Variants in HHLA1 observed in about 807,000 individuals in gnomAD.
HHLA1 encodes HERV-H LTR-associating protein 1.
In HHLA1, 72 loss-of-function variants were observed where a neutral mutation model predicts 69.9. The ratio of observed to expected loss-of-function variants is 1.03; its 90% CI spans 0.85 to 1.25. The LOEUF (loss-of-function observed/expected upper bound fraction) is 1.25. Among genes scored for constraint, HHLA1 ranks in the 50% most tolerant of loss-of-function variants. The pLI, the probability that HHLA1 is intolerant of heterozygous loss-of-function variation, is 0.00. For missense variants in HHLA1, 685 were observed against 642.2 expected (o/e 1.07, Z -0.72); for synonymous variants, 252 against 233.2 (o/e 1.08, Z -0.73).
Position 132,085,231 on chromosome 8 carries a change from C to A in HHLA1, c.676+2422G>T, listed in dbSNP as rs541134784. 7.0e-4 allele frequency among the ~76,000 whole-genome samples: 106 copies of A among 152,272 alleles called. 1 individual carries two copies. The highest frequency in any genetic ancestry group is 2.7e-3 in the East Asian group (14 of 5,178). On this transcript the variant is annotated intron_variant, in intron 10 of 16. Transcript: ENST00000414222. Reference sequence around the variant, plus strand: ...GGCTGCCTTCCCAGTCCGTGACCGGCGCTGGAGTTTTGGGTTCACGGATAA... The same window carrying A: ...GGCTGCCTTCCCAGTCCGTGACCGGAGCTGGAGTTTTGGGTTCACGGATAA...
Position 132,063,991 on chromosome 8 carries a change from G to A in HHLA1, c.*4C>T. The A allele has an allele frequency of 7.7e-7, 1 of 1,298,804 alleles. No homozygotes were observed. Among genetic ancestry groups the A allele is most frequent in the Non-Finnish European group, 1.0e-6 (1 of 984,342 alleles). 80.5% of individuals were successfully genotyped at this position (1,298,804 alleles called of 1,614,324 possible). ...TGTTATGCCCTAGTGTTATTTTCAA[G>A]GCCTCACACAGACTTGCAGATATTC... is the stretch of plus-strand genomic sequence containing the variant. On this transcript the variant is annotated 3_prime_UTR_variant, in exon 17 of 17. Transcript: ENST00000414222.
chr8:132,102,706 G>A (rs562739815), intron 3 of HHLA1, among the ~76,000 whole-genome samples: 1 of 150,942 alleles, frequency 6.6e-6, no homozygotes, highest in Non-Finnish European at 1.5e-5. Context: ...AGGCAGCAGG[G>A]ATGACCCAGG....
chr8:132,081,670 T>C (rs892901753), intron 10 of HHLA1, among the ~76,000 whole-genome samples: 2 of 152,154 alleles, frequency 1.3e-5, no homozygotes, highest in African/African-American at 2.4e-5. Context: ...GGCTTCTACC[T>C]ATCCAGTGAA....
intron 10 of HHLA1, 65 bp from the exon 11 acceptor site, chr8:132,080,031 G>A: frequency 6.5e-7 from 1 of 1,536,056 alleles, no homozygotes; most frequent in South Asian, 1.2e-5. Context: ...AAAACTGAAA[G>A]GTCACTGGAC....
intron 15 of HHLA1, chr8:132,070,378 G>T: frequency 1.4e-6 from 1 of 701,928 alleles, no homozygotes; most frequent in Non-Finnish European, 2.6e-6. Context: ...ATTTATGAAA[G>T]AACTGGAATT....
chr8:132,088,034 T>G, intron 8 of HHLA1, 133 bp from the exon 9 acceptor site: 1 of 695,456 alleles, frequency 1.4e-6, no homozygotes, highest in Non-Finnish European at 2.5e-6. Context: ...TCTTTACTCT[T>G]AAGGCAGTCC....
At chr8:132,070,923 C>T (rs1475736771) in intron 15 of HHLA1, among the ~76,000 whole-genome samples, 1 of 152,042 alleles carries the variant, frequency 6.6e-6, no homozygotes, top group African/African-American at 2.4e-5. Flanking sequence ...CAATTCATCT[C>T]ATCACAGGTC....
At chr8:132,096,932 C>T (rs989580847) in intron 5 of HHLA1, among the ~76,000 whole-genome samples, 1 of 152,182 alleles carries the variant, frequency 6.6e-6, no homozygotes, top group African/African-American at 2.4e-5. Flanking sequence ...ACCTCAGCCT[C>T]CCAAAGCGCT....
In HHLA1 at chr8:132,076,286, C is replaced by T. The variant is rs200281333; in HGVS notation, c.1241-157G>A. Reference sequence around the variant, plus strand: ...GGGAAGTGATTTATGGAAGACCACACGGAAATTTAGCAGCACGGCAAGGCT... The same window carrying T: ...GGGAAGTGATTTATGGAAGACCACATGGAAATTTAGCAGCACGGCAAGGCT... On this transcript the variant is annotated intron_variant, in intron 13 of 16. Coordinates refer to ENST00000414222, the MANE Select transcript of HHLA1 (RefSeq NM_001145095.3). Among the ~76,000 whole-genome samples the T allele has an allele frequency of 2.0e-4, 31 of 152,270 alleles. No individual in the cohort carries two copies. The East Asian group carries it at 2.7e-3, about 13-fold the overall frequency.
chr8:132,091,010 C>T (rs745654363), intron 7 of HHLA1, among the ~76,000 whole-genome samples: 6 of 152,294 alleles, frequency 3.9e-5, no homozygotes, highest in Non-Finnish European at 8.8e-5. Context: ...CCACCCGCCT[C>T]GGCCTCCTTC....
rs1277026719 is a variant in HHLA1, at chr8:132,104,132, C to T, written c.115G>A (p.Gly39Arg). Reference protein sequence around the residue: ...GIKGEAKKEKGMTFLPTTVSG... With the variant: ...GIKGEAKKEKRMTFLPTTVSG... ...CCTGTTGTAGGTAAAAAGGTCATTCCCTTCTCTTTCTTGGCTTCTCCTTTG... is the reference window on the plus strand; with the variant it reads ...CCTGTTGTAGGTAAAAAGGTCATTCTCTTCTCTTTCTTGGCTTCTCCTTTG... The change falls in exon 3 of 17, where the codon GGA becomes AGA. Residue 39 changes from glycine to arginine, a missense_variant. Coordinates refer to ENST00000414222, the MANE Select transcript of HHLA1 (RefSeq NM_001145095.3). 6.4e-7 allele frequency: 1 copy of T among 1,551,152 alleles called. No individual in the cohort carries two copies. Among genetic ancestry groups the T allele is most frequent in the Non-Finnish European group, 8.7e-7 (1 of 1,146,544 alleles).
At chr8:132,095,898 G>A in intron 5 of HHLA1, 112 bp from the exon 6 acceptor site, 13 of 579,812 alleles carry the variant, frequency 2.2e-5, no homozygotes, top group Admixed American at 3.4e-5. Flanking sequence ...AACCAATGAT[G>A]AAAATAAAGA....
chr8:132,077,912 T>C lies in HHLA1; in HGVS notation c.985A>G (p.Ile329Val). 3.2e-6 allele frequency: 5 copies of C among 1,551,564 alleles called. No individual in the cohort carries two copies. Among genetic ancestry groups the C allele is most frequent in the Non-Finnish European group, 4.4e-6 (5 of 1,146,928 alleles). Reference protein sequence around the residue: ...LTADRQTWASISSVPWAQTIS... With the variant: ...LTADRQTWASVSSVPWAQTIS... ...GTCTGAGCCCAGGGCACGGACGATATGGAAGCCCACGTCTGTCTGTCAGCT... is the reference window on the plus strand; with the variant it reads ...GTCTGAGCCCAGGGCACGGACGATACGGAAGCCCACGTCTGTCTGTCAGCT... The change falls in exon 12 of 17, where the codon ATA becomes GTA. Residue 329 changes from isoleucine to valine, a missense_variant. Physicochemically the swap from Ile to Val is conservative, Grantham distance 29 (BLOSUM62 3). Transcript: ENST00000414222.
chr8:132,081,787 C>G (rs921444260), intron 10 of HHLA1, among the ~76,000 whole-genome samples: 5 of 152,028 alleles, frequency 3.3e-5, no homozygotes, highest in Non-Finnish European at 5.9e-5. Flanking sequence ...TTCATGTGTA[C>G]GGAAGGGAGG....
chr8:132,080,920 G>A (rs1222495427), intron 10 of HHLA1: 1 of 152,026 alleles, frequency 6.6e-6, no homozygotes, highest in Non-Finnish European at 1.5e-5. Flanking sequence ...TGTATAGAAT[G>A]ATAGGTGATG....
intron 1 of HHLA1, among the ~76,000 whole-genome samples, chr8:132,107,364 G>A (rs908209133): frequency 5.9e-5 from 9 of 151,946 alleles, no homozygotes; most frequent in Non-Finnish European, 7.4e-5. Context: ...GCAGTGGTAC[G>A]ATGTCAGCTC....
At chr8:132,065,381 A>T (rs1823416027) in intron 16 of HHLA1, among the ~76,000 whole-genome samples, 1 of 152,172 alleles carries the variant, frequency 6.6e-6, no homozygotes, top group South Asian at 2.1e-4. Flanking sequence ...TCCTAGGTTC[A>T]TGCCATTCTC....
chr8:132,074,723 G>A (rs1823605267), intron 14 of HHLA1, among the ~76,000 whole-genome samples: 2 of 152,204 alleles, frequency 1.3e-5, no homozygotes, highest in Admixed American at 6.5e-5. Context: ...AAATATCTAT[G>A]ATATGGAAGT....
At chr8:132,070,242 A>G (rs536199076) in intron 15 of HHLA1, 141 of 683,360 alleles carry the variant, frequency 2.1e-4, no homozygotes, top group Middle Eastern at 1.1e-3. Flanking sequence ...AAATCCCAGA[A>G]GAAATAACAG....
Sources: gnomAD v4.1 joint callset for allele counts (sites outside exome capture counted in the v4.1 genomes callset) on GRCh38, gnomAD v4.1.1 for gene constraint, MANE v1.5 for transcripts, NCBI Gene and HGNC (gene_info 2026-07-23, HGNC 2026-07-21) for gene names.